Variants in TTLL3 observed in about 807,000 individuals in gnomAD.
The protein encoded by TTLL3 is tubulin monoglycylase TTLL3.
In TTLL3, 63 loss-of-function variants were observed where a neutral mutation model predicts 75.2. The observed-to-expected ratio is 0.84, with a 90% CI of 0.68 to 1.03. TTLL3 has a LOEUF of 1.03. Ranked by LOEUF, TTLL3 falls within the 50% of genes least tolerant of loss-of-function variation. TTLL3 has a pLI of 0.00. For missense variants in TTLL3, 997 were observed against 1,069.9 expected, an observed-to-expected ratio of 0.93 and a Z score of 0.95; for synonymous variants, 393 against 418.5, an observed-to-expected ratio of 0.94 and a Z score of 0.74.
chr3:9,836,135 C>G lies in TTLL3; in HGVS notation c.*646C>G, dbSNP rs754706926. The G allele has an allele frequency of 2.0e-5, 3 of 152,056 alleles. No individual in the cohort carries two copies. Among genetic ancestry groups the G allele is most frequent in the African/African-American group, 7.3e-5 (3 of 41,368 alleles). 9.4% of individuals were successfully genotyped at this position (152,056 alleles called of 1,614,324 possible). On this transcript the variant is annotated 3_prime_UTR_variant, in exon 14 of 14. Transcript: ENST00000685419. ...ACCAGTCTGGGCAACATGGTGAAAC[C>G]GTTTCTACAGAAAATTAGCTGGGTG... is the stretch of plus-strand genomic sequence containing the variant.
At chr3:9,815,307 A>G (rs930801315) in intron 4 of TTLL3, among the ~76,000 whole-genome samples, 1 of 151,822 alleles carries the variant, frequency 6.6e-6, no homozygotes, top group Non-Finnish European at 1.5e-5. Flanking sequence ...CATATGGGTC[A>G]ATCTCATGAG....
Position 9,829,289 on chromosome 3 carries a change from C to T in TTLL3, c.1577C>T (p.Thr526Ile). 6.2e-7 allele frequency: 1 copy of T among 1,614,148 alleles called. No individual in the cohort carries two copies. The highest frequency in any genetic ancestry group is 8.5e-7 in the Non-Finnish European group (1 of 1,180,042). Reference protein sequence around the residue: ...SPTMAPSTAVTARLCAGVQAD... With the variant: ...SPTMAPSTAVIARLCAGVQAD... ...ACGATGGCACCCTCCACAGCAGTCA[C>T]TGCCCGGCTCTGTGCTGGCGTGCAA... The change falls in exon 11 of 14, where the codon ACT becomes ATT. Residue 526 changes from threonine to isoleucine, a missense_variant. Coordinates refer to ENST00000685419, the MANE Select transcript of TTLL3 (RefSeq NM_001387446.1).
At chr3:9,814,569 A>T (rs1226541490) in intron 4 of TTLL3, among the ~76,000 whole-genome samples, 1 of 151,916 alleles carries the variant, frequency 6.6e-6, no homozygotes, top group Non-Finnish European at 1.5e-5. Flanking sequence ...AATTGCTTGA[A>T]TCTGGGTAGC....
intron 4 of TTLL3, among the ~76,000 whole-genome samples, chr3:9,814,464 G>A (rs913719554): frequency 4.6e-5 from 7 of 152,198 alleles, no homozygotes; most frequent in Admixed American, 6.5e-5. Context: ...GGGCCAACAT[G>A]GTGAAACCCT....
chr3:9,818,493 C>T (rs533083263), intron 6 of TTLL3: 30 of 266,368 alleles, frequency 1.1e-4, no homozygotes, highest in Admixed American at 3.7e-4. Context: ...CTCAGCCTCC[C>T]GAGTAGCTGG....
chr3:9,833,312 G>A (rs1193096267), intron 12 of TTLL3, 67 bp downstream of exon 12: 5 of 1,582,202 alleles, frequency 3.2e-6, no homozygotes, highest in Middle Eastern at 2.2e-4. Context: ...AGGAGCCTGG[G>A]GCACAGTGAG....
chr3:9,819,689 A>G, intron 7 of TTLL3: 1 of 985,528 alleles, frequency 1.0e-6, no homozygotes, highest in Non-Finnish European at 1.2e-6. Flanking sequence ...CCAGGCTCCT[A>G]GTCCTGTAAT....
Position 9,816,523 on chromosome 3 carries a change from C to CTTTTTTTTTTTTTTTTTTT in TTLL3, c.444+332_444+333insTTTTTTTTTTTTTTTTTTT, listed in dbSNP as rs71052206. On this transcript the variant is annotated intron_variant, in intron 5 of 13. Coordinates refer to ENST00000685419, the MANE Select transcript of TTLL3 (RefSeq NM_001387446.1). The stretch of plus-strand genomic sequence containing the variant: ...GACCCATTCTGTCTTACCTGGGTTT[C>CTTTTTTTTTTTTTTTTTTT]TTTTTTTTTTTGAGACAGAGTCTTG... Among the ~76,000 whole-genome samples, 563 of 103,900 alleles carry CTTTTTTTTTTTTTTTTTTT rather than the reference C, an allele frequency of 5.4e-3. 66 individuals carry two copies. Among genetic ancestry groups the CTTTTTTTTTTTTTTTTTTT allele is most frequent in the East Asian group, 0.015 (49 of 3,266 alleles). The allele number at this position is 103,900 out of a possible 152,430, so 68.2% of individuals were successfully genotyped here.
Position 9,813,112 on chromosome 3 carries a change from G to A in TTLL3, c.217+1G>A. ...GGTGACAGTGACACCACTGAGGATG[G>A]TGAGTGGTTCCTTCCCTTTCCACAG... is the stretch of plus-strand genomic sequence containing the variant. On this transcript the variant is annotated splice_donor_variant, in intron 3 of 13. Transcript: ENST00000685419. LOFTEE classifies it high-confidence loss of function. 6.3e-7 allele frequency: 1 copy of A among 1,584,432 alleles called. No individual in the cohort carries two copies. Among genetic ancestry groups the A allele is most frequent in the Non-Finnish European group, 8.6e-7 (1 of 1,162,310 alleles).
At chr3:9,834,648 C>A (rs375744840) in intron 12 of TTLL3, 33 bp from the exon 13 acceptor site, 2 of 1,612,584 alleles carry the variant, frequency 1.2e-6, no homozygotes, top group African/African-American at 2.7e-5. Flanking sequence ...TGGGCCCCAC[C>A]CCAGGGCCTC....
At chr3:9,820,983 C>G in intron 8 of TTLL3, 1 of 534,406 alleles carries the variant, frequency 1.9e-6, no homozygotes, top group Non-Finnish European at 3.2e-6. Flanking sequence ...GCACATTACC[C>G]AAAGTGTGTG....
Position 9,835,593 on chromosome 3 carries a change from TG to T in TTLL3, c.*108del. 8.6e-7 allele frequency: 1 copy of T among 1,166,172 alleles called. No homozygotes were observed. Among genetic ancestry groups the T allele is most frequent in the Non-Finnish European group, 1.2e-6 (1 of 835,598 alleles). The allele number at this position is 1,166,172 out of a possible 1,614,324, so 72.2% of individuals were successfully genotyped here. The stretch of plus-strand genomic sequence containing the variant: ...TCCCCCAGCATCTCCGATCCAGGGG[TG>T]GGGAGCGTGAGCCTTCACTTTACAG... On this transcript the variant is annotated 3_prime_UTR_variant, in exon 14 of 14. Coordinates refer to ENST00000685419, the MANE Select transcript of TTLL3 (RefSeq NM_001387446.1).
intron 9 of TTLL3, among the ~76,000 whole-genome samples, 173 bp from the exon 10 acceptor site, chr3:9,826,824 A>T (rs1301731367): frequency 6.6e-6 from 1 of 152,246 alleles, no homozygotes; most frequent in African/African-American, 2.4e-5. Context: ...GGAAAAATTT[A>T]AAATCCTTAG....
chr3:9,832,380 C>T (rs530220454), intron 11 of TTLL3, among the ~76,000 whole-genome samples: 1 of 152,112 alleles, frequency 6.6e-6, no homozygotes, highest in Non-Finnish European at 1.5e-5. Context: ...GACCACCATG[C>T]CCGGCCAATA....
At position 9,836,179 on chromosome 3, in the gene TTLL3, G is replaced by T. The variant is rs2082003011; in HGVS notation, c.*690G>T. 1 of 152,138 alleles carries T rather than the reference G, an allele frequency of 6.6e-6. No homozygotes were observed. The highest frequency in any genetic ancestry group is 2.4e-5 in the African/African-American group (1 of 41,388). 9.4% of individuals were successfully genotyped at this position (152,138 alleles called of 1,614,324 possible). A position where few individuals can be genotyped will look rare whatever the true frequency, so the allele number is the denominator to read the frequency against. ...CTGGGTGTGGTGGCACACACCTGTA[G>T]TCCTAGCTACTCGGGAGGCCTAGGT... On this transcript the variant is annotated 3_prime_UTR_variant, in exon 14 of 14. Coordinates refer to ENST00000685419, the MANE Select transcript of TTLL3 (RefSeq NM_001387446.1).
intron 7 of TTLL3, chr3:9,819,859 C>G (rs1355351906): frequency 2.0e-6 from 2 of 985,404 alleles, no homozygotes. Context: ...GCACAAGGGC[C>G]TCGGGTGTGG....
At chr3:9,833,070 CTGAG>C in intron 11 of TTLL3, 30 bp from the exon 12 acceptor site, 2 of 1,612,262 alleles carry the variant, frequency 1.2e-6, no homozygotes, top group Non-Finnish European at 1.7e-6. Context: ...GTACCACTGA[CTGAG>C]TGGGCCTTGT....
At chr3:9,831,118 T>C (rs188950442) in intron 11 of TTLL3, among the ~76,000 whole-genome samples, 3 of 152,314 alleles carry the variant, frequency 2.0e-5, no homozygotes, top group African/African-American at 7.2e-5. Flanking sequence ...TGTCTTTTAT[T>C]GCTGATTTGT....
At chr3:9,827,341 G>C (rs901153443) in intron 10 of TTLL3, 101 bp downstream of exon 10, 26 of 1,526,878 alleles carry the variant, frequency 1.7e-5, no homozygotes, top group Non-Finnish European at 2.2e-5. Context: ...GCAGCGCTAG[G>C]CTCCACACAC....
Sources: allele counts gnomAD v4.1 joint callset (sites outside exome capture counted in the v4.1 genomes callset), GRCh38; gene constraint gnomAD v4.1.1; transcripts MANE v1.5; gene names NCBI Gene and HGNC (gene_info 2026-07-23, HGNC 2026-07-21).